SNX9: variants seen among roughly 807,000 people sequenced by gnomAD.
SNX9 encodes the protein sorting nexin 9, also known as sorting nexin-9.
A neutral mutation model predicts 89.4 loss-of-function variants in SNX9; 44 were observed. That is an observed-to-expected ratio of 0.49 (90% confidence interval 0.39 to 0.63). The LOEUF (loss-of-function observed/expected upper bound fraction) is 0.63, where lower values mean the gene tolerates loss of function less well. SNX9 is among the 30% of genes least tolerant of loss of function. The pLI is 0.00. For missense variants in SNX9, 578 were observed against 736.1 expected (o/e 0.79, Z 2.49); for synonymous variants, 236 against 247.8 (o/e 0.95, Z 0.45).
chr6:157,879,762 GAT>G (rs1305966859), intron 4 of SNX9, among the ~76,000 whole-genome samples: 5 of 152,178 alleles, frequency 3.3e-5, no homozygotes, highest in Non-Finnish European at 1.5e-5. Flanking sequence ...TTGTTGTTTA[GAT>G]TACATCACTG....
At chr6:157,862,899 G>C (rs958412360) in intron 1 of SNX9, among the ~76,000 whole-genome samples, 1 of 152,186 alleles carries the variant, frequency 6.6e-6, no homozygotes, top group Non-Finnish European at 1.5e-5. Flanking sequence ...CAAGTGACAA[G>C]ATGTGGACTG....
intron 5 of SNX9, among the ~76,000 whole-genome samples, chr6:157,897,544 G>A (rs181093818): frequency 2.0e-5 from 3 of 152,132 alleles, no homozygotes; most frequent in Admixed American, 1.3e-4. Flanking sequence ...TTTTGCTCTC[G>A]TTGCCCAGGC....
chr6:157,940,607 G>C (rs1784017939), intron 16 of SNX9, among the ~76,000 whole-genome samples: 1 of 152,178 alleles, frequency 6.6e-6, no homozygotes, highest in East Asian at 1.9e-4. Context: ...TAGTAGAGAT[G>C]GGGTTTTGCC....
intron 1 of SNX9, among the ~76,000 whole-genome samples, chr6:157,824,625 A>T (rs993933021): frequency 3.9e-5 from 6 of 152,128 alleles, no homozygotes; most frequent in Non-Finnish European, 8.8e-5. Context: ...GGTCTGCTAG[A>T]TGTTGTGCTG....
At chr6:157,895,793 C>G (rs1463441203) in intron 4 of SNX9, among the ~76,000 whole-genome samples, 1 of 152,156 alleles carries the variant, frequency 6.6e-6, no homozygotes, top group African/African-American at 2.4e-5. Flanking sequence ...AGTTCCTGCA[C>G]TAGGCCCCAG....
At chr6:157,887,606 G>T (rs80183373) in intron 4 of SNX9, among the ~76,000 whole-genome samples, 5 of 152,052 alleles carry the variant, frequency 3.3e-5, no homozygotes, top group Admixed American at 1.3e-4. Context: ...TCTGTCTCCC[G>T]TATCTCAGGA....
Position 157,921,623 on chromosome 6 carries a change from G to A in SNX9, c.1042G>A (p.Glu348Lys), listed in dbSNP as rs772948669. The A allele has an allele frequency of 1.2e-6, 2 of 1,614,022 alleles. No homozygotes were observed. Among genetic ancestry groups the A allele is most frequent in the Non-Finnish European group, 1.7e-6 (2 of 1,179,922 alleles). The change falls in exon 10 of 18, where the codon GAA becomes AAA. Residue 348 changes from glutamate to lysine, a missense_variant. Around this residue, in one of 2 missense-constraint regions of SNX9, gnomAD observed 348 missense variants for 491.4 expected, o/e 0.71. Coordinates refer to ENST00000392185, the MANE Select transcript of SNX9 (RefSeq NM_016224.5). ...TCGCCATCCAGTAATCTCAGAAAGT[G>A]AAGTTTTCCAGCAGTTCCTAAATTT... ...MCRHPVISES[E>K]VFQQFLNFRD...
At chr6:157,882,830 C>T (rs578023862) in intron 4 of SNX9, among the ~76,000 whole-genome samples, 3 of 152,124 alleles carry the variant, frequency 2.0e-5, no homozygotes, top group Non-Finnish European at 4.4e-5. Flanking sequence ...GGAATCTATT[C>T]GTGGTGAGGA....
intron 1 of SNX9, among the ~76,000 whole-genome samples, chr6:157,852,116 T>A (rs927326440): frequency 6.6e-6 from 1 of 152,210 alleles, no homozygotes; most frequent in African/African-American, 2.4e-5. Context: ...CTGCTTTCAG[T>A]TCTTTTGAGT....
At chr6:157,911,792 G>A (rs983981761) in intron 9 of SNX9, among the ~76,000 whole-genome samples, 4 of 152,122 alleles carry the variant, frequency 2.6e-5, no homozygotes, top group Non-Finnish European at 4.4e-5. Flanking sequence ...ATTTTTCCCT[G>A]AAGTGTTTTG....
intron 1 of SNX9, among the ~76,000 whole-genome samples, chr6:157,866,963 T>C (rs1234442312): frequency 6.6e-6 from 1 of 152,144 alleles, no homozygotes; most frequent in Non-Finnish European, 1.5e-5. Flanking sequence ...TTTGTTTTTT[T>C]AAGAGACTGC....
chr6:157,839,577 G>T (rs1781654198), intron 1 of SNX9, among the ~76,000 whole-genome samples: 1 of 152,174 alleles, frequency 6.6e-6, no homozygotes, highest in Non-Finnish European at 1.5e-5. Flanking sequence ...CAGTCCAAGT[G>T]GGGGAAAAAT....
chr6:157,922,940 C>A (rs1298141225), intron 10 of SNX9, among the ~76,000 whole-genome samples: 2 of 152,186 alleles, frequency 1.3e-5, no homozygotes, highest in Non-Finnish European at 2.9e-5. Flanking sequence ...TTGTTGCCTT[C>A]CTGGTTCCCA....
rs567763144 is a variant in SNX9, at chr6:157,866,085, A to T, written c.13-1462A>T. ...GGATTTAAATTATGTATTATATATT[A>T]TAAAGGTATATATAAAACATTTTAA... is the stretch of plus-strand genomic sequence containing the variant. On this transcript the variant is annotated intron_variant, in intron 1 of 17. Transcript: ENST00000392185. 1.3e-4 allele frequency among the ~76,000 whole-genome samples: 20 copies of T among 152,366 alleles called. No homozygotes were observed. In the South Asian group the frequency reaches 3.9e-3, roughly 30 times the overall value.
At chr6:157,904,539 A>G (rs1012025762) in intron 6 of SNX9, among the ~76,000 whole-genome samples, 6 of 152,080 alleles carry the variant, frequency 3.9e-5, no homozygotes, top group Admixed American at 1.3e-4. Context: ...AATGCTTACA[A>G]GCTGGTCAAG....
rs1193398314 is a variant in SNX9, at chr6:157,921,607, A to G, written c.1026A>G (p.Pro342=). 9.3e-6 allele frequency: 15 copies of G among 1,614,078 alleles called. No individual in the cohort carries two copies. The highest frequency in any genetic ancestry group is 1.3e-5 in the Non-Finnish European group (15 of 1,180,022). Residue 342 remains proline (P), a synonymous_variant, in exon 10 of 18, where the codon CCA becomes CCG. Coordinates refer to ENST00000392185, the MANE Select transcript of SNX9 (RefSeq NM_016224.5). The stretch of plus-strand genomic sequence containing the variant: ...GGATGACCAGGATGTGTCGCCATCC[A>G]GTAATCTCAGAAAGTGAAGTTTTCC... The part of the protein sequence containing the change: ...QAWMTRMCRH[P]VISESEVFQQ...
At chr6:157,938,242 AAAAG>A (rs1783965563) in intron 15 of SNX9, among the ~76,000 whole-genome samples, 2 of 152,244 alleles carry the variant, frequency 1.3e-5, no homozygotes, top group Admixed American at 6.5e-5. Context: ...GTTGTATAAA[AAAAG>A]AGAGAGAGTG....
rs904920821 is a variant in SNX9 at position 157,935,876 on chromosome 6, T to G, written c.1367-88T>G. 15 of 934,574 alleles carry G rather than the reference T, an allele frequency of 1.6e-5. No homozygotes were observed. The African/African-American group carries it at 2.1e-4, about 13-fold the overall frequency. 57.9% of individuals were successfully genotyped at this position (934,574 alleles called of 1,614,324 possible). A position where few individuals can be genotyped will look rare whatever the true frequency, so the allele number is the denominator to read the frequency against. On this transcript the variant is annotated intron_variant, in intron 13 of 17. Coordinates refer to ENST00000392185, the MANE Select transcript of SNX9 (RefSeq NM_016224.5). Reference sequence around the variant, plus strand: ...ATGTTTGAAAGTTTCTATAATAAAATTTACCAATAAAATCAATAATAAAAT... The same window carrying G: ...ATGTTTGAAAGTTTCTATAATAAAAGTTACCAATAAAATCAATAATAAAAT...
intron 12 of SNX9, among the ~76,000 whole-genome samples, chr6:157,929,783 G>GC (rs35379261): frequency 0.29 from 43,615 of 151,874 alleles, 7,157 homozygotes; most frequent in African/African-American, 0.45. Flanking sequence ...ATTTTAAAGA[G>GC]AGGAAACTAA....
Sources: allele counts gnomAD v4.1 joint callset (sites outside exome capture counted in the v4.1 genomes callset), GRCh38; gene constraint gnomAD v4.1.1; regional missense constraint gnomAD v4.1.1; transcripts MANE v1.5; gene names NCBI Gene and HGNC (gene_info 2026-07-23, HGNC 2026-07-21).